The following TBL1XR1 variants were observed in gnomAD, a reference collection of about 807,000 sequenced individuals.
TBL1XR1 encodes TBL1X/Y related 1, also known as F-box-like/WD repeat-containing protein TBL1XR1.
In TBL1XR1, 5 loss-of-function variants were observed where a neutral mutation model predicts 66.9. The ratio of observed to expected loss-of-function variants is 0.07; its 90% CI spans 0.04 to 0.16. TBL1XR1 has a LOEUF of 0.16. Ranked by LOEUF, TBL1XR1 falls within the 10% of genes least tolerant of loss-of-function variation. TBL1XR1 has a pLI of 1.00. For synonymous variants in TBL1XR1, 210 were observed against 206.0 expected (o/e 1.02, Z -0.17); for missense variants, 238 against 623.2 (o/e 0.38, Z 6.58).
intron 1 of TBL1XR1, among the ~76,000 whole-genome samples, chr3:177,167,134 C>CA (rs1484160284): frequency 6.6e-6 from 1 of 152,154 alleles, no homozygotes; most frequent in Non-Finnish European, 1.5e-5. Context: ...AAACTTGGTA[C>CA]ATGCAGACAA....
chr3:177,080,570 C>T (rs1450145027), intron 2 of TBL1XR1, among the ~76,000 whole-genome samples: 1 of 152,094 alleles, frequency 6.6e-6, no homozygotes, highest in Non-Finnish European at 1.5e-5. Flanking sequence ...TTCTGGTTCT[C>T]TCAAAATAGA....
chr3:177,030,251 A>AG lies in TBL1XR1; in HGVS notation c.1416+2719dup, dbSNP rs1223656317. 3.9e-5 allele frequency among the ~76,000 whole-genome samples: 6 copies of AG among 152,102 alleles called. No individual in the cohort carries two copies. The East Asian group carries it at 1.2e-3, about 29-fold the overall frequency. On this transcript the variant is annotated intron_variant, in intron 14 of 15. Coordinates refer to ENST00000457928, the MANE Select transcript of TBL1XR1 (RefSeq NM_024665.7). ...GTTGTACATTTTTAAATCCCCCAAT[A>AG]GGAAAATAAATTTGAAAATTAATAT...
intron 1 of TBL1XR1, among the ~76,000 whole-genome samples, chr3:177,131,614 G>GA (rs1174000311): frequency 5.3e-5 from 8 of 150,282 alleles, no homozygotes; most frequent in African/African-American, 2.0e-4. Context: ...AGGTTCAAGT[G>GA]ATTCTCCCGC....
intron 1 of TBL1XR1, among the ~76,000 whole-genome samples, chr3:177,105,064 A>C (rs1181247387): frequency 1.3e-5 from 2 of 152,242 alleles, no homozygotes; most frequent in African/African-American, 4.8e-5. Context: ...ACAAACCTTC[A>C]GTGATAGGGA....
chr3:177,032,838 T>C, intron 14 of TBL1XR1, 133 bp downstream of exon 14: 1 of 677,662 alleles, frequency 1.5e-6, no homozygotes, highest in Non-Finnish European at 2.2e-6. Context: ...CATTAGTTTC[T>C]ATCTTATTTT....
chr3:177,058,261 T>C (rs1197421329), intron 3 of TBL1XR1, among the ~76,000 whole-genome samples: 2 of 152,140 alleles, frequency 1.3e-5, no homozygotes, highest in African/African-American at 4.8e-5. Context: ...CATGTTCTCA[T>C]CATCAAATGC....
intron 2 of TBL1XR1, among the ~76,000 whole-genome samples, chr3:177,076,847 T>C: frequency 6.6e-6 from 1 of 152,368 alleles, no homozygotes; most frequent in East Asian, 1.9e-4. Context: ...TTTCCTGAAA[T>C]AGAGTTATTC....
Position 177,099,742 on chromosome 3 carries a change from T to G in TBL1XR1, c.-121-1201A>C, listed in dbSNP as rs566899295. Among the ~76,000 whole-genome samples, 540 of 152,356 alleles carry G rather than the reference T, an allele frequency of 3.5e-3. 1 individual carries two copies. Among genetic ancestry groups the G allele is most frequent in the African/African-American group, 0.012 (513 of 41,594 alleles). ...TTTACACATCATGACTAGATACCACTAGGCTCTGTTTACCTCAAGGTCATT... is the reference window on the plus strand; with the variant it reads ...TTTACACATCATGACTAGATACCACGAGGCTCTGTTTACCTCAAGGTCATT... On this transcript the variant is annotated intron_variant, in intron 1 of 15. Coordinates refer to ENST00000457928, the MANE Select transcript of TBL1XR1 (RefSeq NM_024665.7).
At chr3:177,151,351 C>T (rs1273059232) in intron 1 of TBL1XR1, among the ~76,000 whole-genome samples, 1 of 152,222 alleles carries the variant, frequency 6.6e-6, no homozygotes, top group Non-Finnish European at 1.5e-5. Context: ...GGGTCCCCAA[C>T]CCCCGGCTGC....
At chr3:177,095,597 A>T (rs1175757353) in intron 2 of TBL1XR1, among the ~76,000 whole-genome samples, 2 of 151,294 alleles carry the variant, frequency 1.3e-5, no homozygotes, top group African/African-American at 4.9e-5. Context: ...CTCTTGCCTC[A>T]GCCTCCCAAG....
intron 3 of TBL1XR1, among the ~76,000 whole-genome samples, chr3:177,062,910 G>A (rs774996425): frequency 8.6e-5 from 13 of 151,966 alleles, no homozygotes; most frequent in East Asian, 7.7e-4. Context: ...CAAGGCGGGC[G>A]GATCACCTAA....
At position 177,025,543 on chromosome 3, in the gene TBL1XR1, A is replaced by T; in HGVS notation, c.1519-19T>A. 1 of 1,610,784 alleles carries T rather than the reference A, an allele frequency of 6.2e-7. No individual in the cohort carries two copies. Among genetic ancestry groups the T allele is most frequent in the Admixed American group, 1.7e-5 (1 of 59,806 alleles). ...CACAAACCTGTAAGAAATTAAAATA[A>T]TCAACCAGTGTATTCAGAATTTTAT... On this transcript the variant is annotated intron_variant, in intron 15 of 15. Coordinates refer to ENST00000457928, the MANE Select transcript of TBL1XR1 (RefSeq NM_024665.7).
At chr3:177,103,324 CTAAA>C (rs1196493646) in intron 1 of TBL1XR1, among the ~76,000 whole-genome samples, 5 of 152,304 alleles carry the variant, frequency 3.3e-5, no homozygotes, top group Admixed American at 1.3e-4. Context: ...ACTACATAAA[CTAAA>C]TATATTTACT....
chr3:177,159,567 CTCTCT>C (rs1312164120), intron 1 of TBL1XR1, among the ~76,000 whole-genome samples: 1 of 152,164 alleles, frequency 6.6e-6, no homozygotes, highest in East Asian at 1.9e-4. Flanking sequence ...TATATCCATT[CTCTCT>C]TCTTTCTTAA....
intron 1 of TBL1XR1, among the ~76,000 whole-genome samples, chr3:177,196,707 A>G (rs1308430261): frequency 6.7e-6 from 1 of 148,274 alleles, no homozygotes; most frequent in African/African-American, 2.5e-5. Flanking sequence ...CCTTGATTCA[A>G]TTTGCTGCAA....
intron 1 of TBL1XR1, among the ~76,000 whole-genome samples, chr3:177,155,228 A>C (rs1731352265): frequency 6.6e-6 from 1 of 152,262 alleles, no homozygotes; most frequent in Non-Finnish European, 1.5e-5. Context: ...TCAATGCAAC[A>C]GAAAACAGAC....
rs188274881 is a variant in TBL1XR1 at position 177,078,335 on chromosome 3, T to A, written c.-45-13313A>T. ...CGGCTGAGTGCATGGTTCACACTTG[T>A]CATTCCATCACTTTGGGGGGCAGAG... On this transcript the variant is annotated intron_variant, in intron 2 of 15. Coordinates refer to ENST00000457928, the MANE Select transcript of TBL1XR1 (RefSeq NM_024665.7). Among the ~76,000 whole-genome samples the A allele has an allele frequency of 2.9e-3, 442 of 152,164 alleles. 3 individuals carry two copies. The highest frequency in any genetic ancestry group is 0.01 in the African/African-American group (426 of 41,490).
chr3:177,135,222 A>G (rs1178433448), intron 1 of TBL1XR1, among the ~76,000 whole-genome samples: 1 of 147,954 alleles, frequency 6.8e-6, no homozygotes. Context: ...GACTGGTTTC[A>G]AACTCCTGAC....
At chr3:177,082,609 C>T (rs1454811546) in intron 2 of TBL1XR1, among the ~76,000 whole-genome samples, 1 of 150,906 alleles carries the variant, frequency 6.6e-6, no homozygotes, top group South Asian at 2.1e-4. Flanking sequence ...CTAGATGTTA[C>T]AGCACTGAAT....
Sources: gnomAD v4.1 joint callset for allele counts (sites outside exome capture counted in the v4.1 genomes callset) on GRCh38, gnomAD v4.1.1 for gene constraint, MANE v1.5 for transcripts, NCBI Gene and HGNC (gene_info 2026-07-23, HGNC 2026-07-21) for gene names.